SLMAP: variants seen among roughly 807,000 people sequenced by gnomAD.
The protein encoded by SLMAP is sarcolemma associated protein, also known as sarcolemmal membrane-associated protein.
SLMAP carries 44 observed loss-of-function variants against 128.8 expected under a neutral mutation model. The ratio of observed to expected loss-of-function variants is 0.34; its 90% CI spans 0.27 to 0.44. The LOEUF (loss-of-function observed/expected upper bound fraction) is 0.44. Among genes scored for constraint, SLMAP ranks in the 20% least tolerant of loss-of-function variants. The pLI is 1.00. For synonymous variants in SLMAP, 327 were observed against 348.8 expected (o/e 0.94, Z 0.70); for missense variants, 787 against 985.3 (o/e 0.80, Z 2.69).
rs1225601457 is a variant in SLMAP at position 57,816,096 on chromosome 3, G to C, written c.199-15287G>C. On this transcript the variant is annotated intron_variant, in intron 2 of 24. Coordinates refer to ENST00000671191, the MANE Select transcript of SLMAP (RefSeq NM_001377540.1). ...TTGCTCATGGTCACACAATAAGTTAGAAGGTGATACAGCTTGAATTTAAAC... is the reference window on the plus strand; with the variant it reads ...TTGCTCATGGTCACACAATAAGTTACAAGGTGATACAGCTTGAATTTAAAC... Among the ~76,000 whole-genome samples the C allele has an allele frequency of 4.6e-5, 7 of 152,232 alleles. No homozygotes were observed. In the East Asian group the frequency reaches 1.4e-3, roughly 29 times the overall value.
chr3:57,798,478 G>T (rs893574902), intron 2 of SLMAP, among the ~76,000 whole-genome samples: 7 of 152,050 alleles, frequency 4.6e-5, no homozygotes, highest in Non-Finnish European at 8.8e-5. Context: ...AGTTGCATGG[G>T]CTGTTAGGTT....
At chr3:57,824,831 GATT>G (rs2153536233) in intron 2 of SLMAP, among the ~76,000 whole-genome samples, 1 of 152,254 alleles carries the variant, frequency 6.6e-6, no homozygotes, top group South Asian at 2.1e-4. Flanking sequence ...CGGATCTGTG[GATT>G]TTTTTGGAAA....
chr3:57,817,606 T>A (rs537336381), intron 2 of SLMAP, among the ~76,000 whole-genome samples: 1 of 152,372 alleles, frequency 6.6e-6, no homozygotes, highest in South Asian at 2.1e-4. Flanking sequence ...CTGTTCTTTC[T>A]GTATAATCTT....
intron 3 of SLMAP, among the ~76,000 whole-genome samples, chr3:57,836,140 C>T (rs1488186712): frequency 6.6e-5 from 10 of 152,026 alleles, no homozygotes; most frequent in African/African-American, 2.2e-4. Context: ...AAAATAGTCT[C>T]ACCAATCCCT....
At chr3:57,874,953 C>A (rs745584543) in intron 14 of SLMAP, among the ~76,000 whole-genome samples, 2 of 151,104 alleles carry the variant, frequency 1.3e-5, no homozygotes, top group Admixed American at 1.3e-4. Flanking sequence ...ATATTTGTAA[C>A]ACAGAATAAA....
intron 2 of SLMAP, among the ~76,000 whole-genome samples, chr3:57,761,666 C>G (rs534466481): frequency 6.6e-6 from 1 of 152,064 alleles, no homozygotes; most frequent in Non-Finnish European, 1.5e-5. Context: ...CCTGGGCGGT[C>G]GACAATTGGG....
intron 13 of SLMAP, among the ~76,000 whole-genome samples, chr3:57,865,548 T>C (rs2095276011): frequency 6.6e-6 from 1 of 152,186 alleles, no homozygotes; most frequent in Non-Finnish European, 1.5e-5. Flanking sequence ...TTTAGCAATA[T>C]ATAATATAGA....
At chr3:57,880,977 G>A (rs1331663515) in intron 14 of SLMAP, among the ~76,000 whole-genome samples, 1 of 152,064 alleles carries the variant, frequency 6.6e-6, no homozygotes, top group Non-Finnish European at 1.5e-5. Context: ...AGATAACGAG[G>A]TCAAGAGTTC....
At chr3:57,809,139 C>G (rs2090462494) in intron 2 of SLMAP, among the ~76,000 whole-genome samples, 1 of 152,144 alleles carries the variant, frequency 6.6e-6, no homozygotes, top group Non-Finnish European at 1.5e-5. Flanking sequence ...CCCAGGCCTC[C>G]CATTCCATGG....
chr3:57,867,052 A>G (rs933620582), intron 13 of SLMAP, among the ~76,000 whole-genome samples: 32 of 151,964 alleles, frequency 2.1e-4, no homozygotes, highest in South Asian at 4.2e-4. Flanking sequence ...GTGGCACGCT[A>G]CTGTAATCCC....
intron 2 of SLMAP, among the ~76,000 whole-genome samples, chr3:57,786,819 C>T (rs568054193): frequency 6.0e-5 from 9 of 149,598 alleles, no homozygotes; most frequent in African/African-American, 1.7e-4. Flanking sequence ...CTGCAAGCTC[C>T]GCCTCCCAGG....
chr3:57,928,400 A>G lies in SLMAP; in HGVS notation c.*1111A>G, dbSNP rs2097039979. ...AATTCATGTTCAGGGTGAGCGTTGT[A>G]CCTACCAACAAATTTCCTGGTTGGG... is the stretch of plus-strand genomic sequence containing the variant. On this transcript the variant is annotated 3_prime_UTR_variant, in exon 25 of 25. Coordinates refer to ENST00000671191, the MANE Select transcript of SLMAP (RefSeq NM_001377540.1). 6.6e-6 allele frequency: 1 copy of G among 152,116 alleles called. No individual in the cohort carries two copies. The allele number at this position is 152,116 out of a possible 1,614,324, so 9.4% of individuals were successfully genotyped here.
At chr3:57,878,618 C>T (rs947546315) in intron 14 of SLMAP, among the ~76,000 whole-genome samples, 12 of 152,102 alleles carry the variant, frequency 7.9e-5, no homozygotes, top group African/African-American at 2.9e-4. Context: ...GGCAGTATCT[C>T]TCATAGAATT....
chr3:57,885,981 A>G (rs1192824189), intron 14 of SLMAP, among the ~76,000 whole-genome samples: 1 of 141,774 alleles, frequency 7.1e-6, no homozygotes, highest in Non-Finnish European at 1.5e-5. Flanking sequence ...ACGGGGTTTC[A>G]CCATGTTGGT....
At chr3:57,812,437 G>A (rs1417556701) in intron 2 of SLMAP, among the ~76,000 whole-genome samples, 5 of 152,108 alleles carry the variant, frequency 3.3e-5, no homozygotes, top group Admixed American at 3.3e-4. Context: ...TTGAATATGA[G>A]ATATATGTCT....
rs546447087 is a variant in SLMAP at position 57,864,693 on chromosome 3, A to G, written c.1112A>G (p.Asn371Ser). Residue 371 changes from asparagine (N) to serine (S), a missense_variant, in exon 11 of 25, where the codon AAT (asparagine) becomes AGT (serine). Coordinates refer to ENST00000671191, the MANE Select transcript of SLMAP (RefSeq NM_001377540.1). ...TTGCAAGCTGATAATGATTTCACCA[A>G]TGAAAGGCTAACAGCTTTACAAGGT... ...EALQADNDFT[N>S]ERLTALQVRL... is the part of the protein sequence containing the mutation. The G allele has an allele frequency of 3.3e-5, 52 of 1,594,856 alleles. 1 individual carries two copies. In the South Asian group the frequency reaches 4.6e-4, roughly 14 times the overall value.
At chr3:57,770,299 G>A (rs1307349546) in intron 2 of SLMAP, among the ~76,000 whole-genome samples, 1 of 152,164 alleles carries the variant, frequency 6.6e-6, no homozygotes, top group Admixed American at 6.5e-5. Flanking sequence ...CAGGATTGGG[G>A]GCAGAAAATG....
At position 57,924,943 on chromosome 3, in the gene SLMAP, G is replaced by T. The variant is rs59876472; in HGVS notation, c.2446-902G>T. 1.2e-3 allele frequency among the ~76,000 whole-genome samples: 180 copies of T among 148,520 alleles called. 1 individual carries two copies. The East Asian group carries it at 0.03, about 25-fold the overall frequency. On this transcript the variant is annotated intron_variant, in intron 23 of 24. Transcript: ENST00000671191. ...TGGTGAAGTATTGTCAGTGTTTTTTGTTTTTTGTTTTTTGTTTTTTTTTTT... is the reference window on the plus strand; with the variant it reads ...TGGTGAAGTATTGTCAGTGTTTTTTTTTTTTTGTTTTTTGTTTTTTTTTTT...
intron 4 of SLMAP, among the ~76,000 whole-genome samples, chr3:57,845,674 A>G (rs1026224472): frequency 6.6e-6 from 1 of 152,152 alleles, no homozygotes; most frequent in Non-Finnish European, 1.5e-5. Flanking sequence ...ACAGTATCTT[A>G]CAGGGATTTG....
Sources: allele counts gnomAD v4.1 joint callset (sites outside exome capture counted in the v4.1 genomes callset), GRCh38; gene constraint gnomAD v4.1.1; transcripts MANE v1.5; gene names NCBI Gene and HGNC (gene_info 2026-07-23, HGNC 2026-07-21).